PCBP3: variants seen among roughly 807,000 people sequenced by gnomAD.
PCBP3 encodes the protein poly(rC)-binding protein 3.
In PCBP3, 25 loss-of-function variants were observed where a neutral mutation model predicts 52.7. The observed-to-expected ratio is 0.47, with a 90% CI of 0.35 to 0.66. PCBP3 has a LOEUF of 0.66. Ranked by LOEUF, PCBP3 falls within the 30% of genes least tolerant of loss-of-function variation. The pLI is 0.01. For missense variants in PCBP3, 391 were observed against 490.3 expected, an observed-to-expected ratio of 0.80 and a Z score of 1.91; for synonymous variants, 162 against 183.0, an observed-to-expected ratio of 0.89 and a Z score of 0.93.
At chr21:45,678,305 C>CA (rs201979527) in intron 2 of PCBP3, among the ~76,000 whole-genome samples, 3,369 of 132,292 alleles carry the variant, frequency 0.025, 112 homozygotes, top group African/African-American at 0.075. Context: ...GACTCCATCT[C>CA]AAAAAAAAAA....
At chr21:45,710,152 T>C (rs2083733391) in intron 2 of PCBP3, among the ~76,000 whole-genome samples, 1 of 152,188 alleles carries the variant, frequency 6.6e-6, no homozygotes, top group African/African-American at 2.4e-5. Context: ...TTCTTTTTTA[T>C]TATTATTATT....
In PCBP3 at chr21:45,704,766, G is replaced by T. The variant is rs1024042055; in HGVS notation, c.-199-30626G>T. On this transcript the variant is annotated intron_variant, in intron 2 of 17. Transcript: ENST00000681687. The surrounding 1 kb of genome is among the most constrained non-coding windows in gnomAD (Gnocchi z 4.1). Reference sequence around the variant, plus strand: ...TGGCAGAGTTCCAAAACATGAAAATGTAAAATGGAATTGAATAATCTCTCC... The same window carrying T: ...TGGCAGAGTTCCAAAACATGAAAATTTAAAATGGAATTGAATAATCTCTCC... Among the ~76,000 whole-genome samples, 1 of 152,228 alleles carries T rather than the reference G, an allele frequency of 6.6e-6. No individual in the cohort carries two copies. The highest frequency in any genetic ancestry group is 1.5e-5 in the Non-Finnish European group (1 of 68,034).
At chr21:45,650,093 G>C (rs1163084411) in intron 1 of PCBP3, among the ~76,000 whole-genome samples, 2 of 151,942 alleles carry the variant, frequency 1.3e-5, no homozygotes, top group African/African-American at 4.8e-5. Flanking sequence ...CTGAGAGGCT[G>C]AGGCTGGAGG....
chr21:45,865,090 A>G (rs926612366), intron 5 of PCBP3, among the ~76,000 whole-genome samples: 1 of 152,226 alleles, frequency 6.6e-6, no homozygotes, highest in African/African-American at 2.4e-5. Context: ...AAGATGGGGT[A>G]GAAGAATTTA....
At chr21:45,913,884 G>A (rs894175229) in intron 11 of PCBP3, 67 bp from the exon 12 acceptor site, 14 of 1,441,320 alleles carry the variant, frequency 9.7e-6, no homozygotes, top group East Asian at 9.4e-5. Context: ...GCCGGGGCAC[G>A]CCTCCCCATT....
chr21:45,666,762 T>G (rs1051118493), intron 1 of PCBP3, among the ~76,000 whole-genome samples: 2 of 151,820 alleles, frequency 1.3e-5, no homozygotes, highest in African/African-American at 2.4e-5. Context: ...GGGGTCTTGC[T>G]CTGTCTCCAG....
chr21:45,887,428 C>G (rs1050897439), intron 5 of PCBP3, among the ~76,000 whole-genome samples: 1 of 152,230 alleles, frequency 6.6e-6, no homozygotes, highest in East Asian at 1.9e-4. Flanking sequence ...GCCCTCCAGC[C>G]TCTCCAGCAT....
intron 4 of PCBP3, among the ~76,000 whole-genome samples, chr21:45,815,287 ATGAGTGGTGAGTGGTGAG>A (rs2092872574): frequency 2.8e-5 from 1 of 35,632 alleles, no homozygotes; most frequent in Non-Finnish European, 5.3e-5. Context: ...GTAGTGAGTG[ATGAGTGGTGAGTGGTGAG>A]TGAGTGGTGA....
intron 2 of PCBP3, among the ~76,000 whole-genome samples, chr21:45,689,009 G>GA (rs952110770): frequency 1.3e-5 from 2 of 151,576 alleles, no homozygotes; most frequent in Admixed American, 1.3e-4. Context: ...AAAAGTTTGA[G>GA]AAAAAAATAA....
In PCBP3 at chr21:45,817,521, G is replaced by A. The variant is rs532300617; in HGVS notation, c.-125-32440G>A. ...CCCCATCTCCCATATTCCAGCTGCT[G>A]CCGCAGCCCCCATGCTTGCCTTTTG... On this transcript the variant is annotated intron_variant, in intron 4 of 17. Coordinates refer to ENST00000681687, the MANE Select transcript of PCBP3 (RefSeq NM_001384156.1). This position sits in a 1 kb window ranked among gnomAD's most constrained non-coding sequence, Gnocchi z 4.3. Among the ~76,000 whole-genome samples, 1 of 152,332 alleles carries A rather than the reference G, an allele frequency of 6.6e-6. No individual in the cohort carries two copies. The highest frequency in any genetic ancestry group is 2.4e-5 in the African/African-American group (1 of 41,566).
chr21:45,706,206 C>T (rs899196216), intron 2 of PCBP3, among the ~76,000 whole-genome samples: 1 of 152,228 alleles, frequency 6.6e-6, no homozygotes, highest in Non-Finnish European at 1.5e-5. Context: ...TTTTGCAAAA[C>T]AGCAGTGTCC....
At chr21:45,731,733 G>A (rs1461754769) in intron 2 of PCBP3, among the ~76,000 whole-genome samples, 1 of 152,178 alleles carries the variant, frequency 6.6e-6, no homozygotes, top group Non-Finnish European at 1.5e-5. Flanking sequence ...AGCTACCATA[G>A]TCATCTGCAA....
At chr21:45,920,048 AG>A (rs55919940) in intron 13 of PCBP3, among the ~76,000 whole-genome samples, 1 of 151,786 alleles carries the variant, frequency 6.6e-6, no homozygotes, top group African/African-American at 2.4e-5. Context: ...CAGGTTCCAA[AG>A]GGGGGGTCAC....
intron 16 of PCBP3, among the ~76,000 whole-genome samples, chr21:45,938,311 G>T (rs992360162): frequency 3.3e-5 from 5 of 152,226 alleles, no homozygotes; most frequent in African/African-American, 4.8e-5. Flanking sequence ...CCAAGGAGGG[G>T]TATAGGAAGT....
chr21:45,939,944 C>T, intron 16 of PCBP3, 86 bp from the exon 17 acceptor site: 2 of 1,276,312 alleles, frequency 1.6e-6, no homozygotes, highest in Non-Finnish European at 2.2e-6. Flanking sequence ...CGGCCCGTCC[C>T]ACCGGCCCCC....
intron 2 of PCBP3, among the ~76,000 whole-genome samples, chr21:45,686,051 T>C (rs1473094309): frequency 6.6e-6 from 1 of 151,874 alleles, no homozygotes; most frequent in Non-Finnish European, 1.5e-5. Context: ...CCTGAGTAGC[T>C]GGGATTACAG....
intron 4 of PCBP3, among the ~76,000 whole-genome samples, chr21:45,815,972 A>T (rs867685927): frequency 2.5e-5 from 1 of 39,322 alleles, no homozygotes; most frequent in Non-Finnish European, 4.9e-5. Context: ...GTAGTGAGTG[A>T]TGAGTGGTGA....
At chr21:45,714,479 G>A (rs949727330) in intron 2 of PCBP3, among the ~76,000 whole-genome samples, 1 of 152,010 alleles carries the variant, frequency 6.6e-6, no homozygotes, top group African/African-American at 2.4e-5. Context: ...CAATGATGAA[G>A]CTCACATTAC....
At chr21:45,732,906 T>C (rs1396662179) in intron 2 of PCBP3, 1 of 152,252 alleles carries the variant, frequency 6.6e-6, no homozygotes, top group Non-Finnish European at 1.5e-5. Flanking sequence ...GTGCTGGGAT[T>C]ACAGGCTTGA....
Sources: allele counts gnomAD v4.1 joint callset (sites outside exome capture counted in the v4.1 genomes callset), GRCh38; gene constraint gnomAD v4.1.1; non-coding constraint Gnocchi (gnomAD v3.1); transcripts MANE v1.5; gene names NCBI Gene and HGNC (gene_info 2026-07-23, HGNC 2026-07-21).